GAB1: variants seen among roughly 807,000 people sequenced by gnomAD.
GAB1 encodes the protein GRB2 associated binding protein 1.
A neutral mutation model predicts 66.5 loss-of-function variants in GAB1; 19 were observed. The ratio of observed to expected loss-of-function variants is 0.29; its 90% CI spans 0.20 to 0.42. The LOEUF (loss-of-function observed/expected upper bound fraction) is 0.42. GAB1 is among the 10% of genes least tolerant of loss of function. The probability of loss-of-function intolerance (pLI) is 1.00; values close to 1 mark genes in which losing one functional copy is unlikely to be tolerated. For synonymous variants in GAB1, 294 were observed against 301.4 expected (o/e 0.98, Z 0.25); for missense variants, 732 against 858.5 (o/e 0.85, Z 1.84).
intron 1 of GAB1, among the ~76,000 whole-genome samples, chr4:143,393,655 A>G (rs577140782): frequency 3.3e-5 from 5 of 152,180 alleles, no homozygotes; most frequent in Non-Finnish European, 5.9e-5. Context: ...TTGGCTTTCC[A>G]GTGGTGAGTG....
chr4:143,454,552 G>C (rs1304163296), intron 6 of GAB1, among the ~76,000 whole-genome samples: 1 of 152,204 alleles, frequency 6.6e-6, no homozygotes, highest in African/African-American at 2.4e-5. Flanking sequence ...TCTGATTGGT[G>C]AATGATGGTG....
chr4:143,343,679 G>T (rs757008462), intron 1 of GAB1: 1 of 154,828 alleles, frequency 6.5e-6, no homozygotes, highest in Non-Finnish European at 1.5e-5. Flanking sequence ...GAGAACAGGG[G>T]ATGCAGGGGT....
chr4:143,403,391 G>T (rs1406724060), intron 1 of GAB1, among the ~76,000 whole-genome samples: 1 of 152,162 alleles, frequency 6.6e-6, no homozygotes, highest in Non-Finnish European at 1.5e-5. Flanking sequence ...ATGAGGCTTG[G>T]GTAGTGTAGA....
At chr4:143,442,790 T>C (rs1560774244) in intron 6 of GAB1, among the ~76,000 whole-genome samples, 1 of 152,068 alleles carries the variant, frequency 6.6e-6, no homozygotes, top group East Asian at 1.9e-4. Flanking sequence ...TTGTGTTCAT[T>C]CTTTTAAAAT....
At chr4:143,425,893 C>T in intron 2 of GAB1, 3 of 1,416,726 alleles carry the variant, frequency 2.1e-6, no homozygotes. Flanking sequence ...ACTGCTCAGG[C>T]CACTGAATGG....
intron 6 of GAB1, chr4:143,457,598 T>G: frequency 2.7e-6 from 1 of 364,406 alleles, no homozygotes. Flanking sequence ...TCTGTTGCTT[T>G]TTTTTTTTTT....
chr4:143,453,881 G>A (rs1368339745), intron 6 of GAB1, among the ~76,000 whole-genome samples: 2 of 152,086 alleles, frequency 1.3e-5, no homozygotes, highest in South Asian at 2.1e-4. Flanking sequence ...CTTTTAAATT[G>A]TACCTTCCTT....
chr4:143,360,287 TC>T (rs1729611032), intron 1 of GAB1, among the ~76,000 whole-genome samples: 1 of 152,232 alleles, frequency 6.6e-6, no homozygotes, highest in African/African-American at 2.4e-5. Context: ...GTTTACATTC[TC>T]CTGATTCTGA....
At chr4:143,367,909 G>C (rs1044657943) in intron 1 of GAB1, among the ~76,000 whole-genome samples, 2 of 151,944 alleles carry the variant, frequency 1.3e-5, no homozygotes, top group Non-Finnish European at 2.9e-5. Flanking sequence ...TATTTTAGTA[G>C]AGATGGAGTT....
intron 1 of GAB1, among the ~76,000 whole-genome samples, chr4:143,357,142 A>T (rs1343046554): frequency 6.6e-6 from 1 of 152,154 alleles, no homozygotes; most frequent in African/African-American, 2.4e-5. Flanking sequence ...CTCTTCTGCA[A>T]ACTTAATGTG....
At position 143,471,128 on chromosome 4, in the gene GAB1, A is replaced by G. The variant is rs1049973441; in HGVS notation, c.*1939A>G. On this transcript the variant is annotated 3_prime_UTR_variant, in exon 10 of 10. Transcript: ENST00000262994. Reference sequence around the variant, plus strand: ...GATGAATATATTTAAGATTTAAAACACAATAATAAATACATGATTAATTCA... The same window carrying G: ...GATGAATATATTTAAGATTTAAAACGCAATAATAAATACATGATTAATTCA... 1.3e-5 allele frequency: 2 copies of G among 152,216 alleles called. No homozygotes were observed. Among genetic ancestry groups the G allele is most frequent in the African/African-American group, 4.8e-5 (2 of 41,470 alleles). The allele number at this position is 152,216 out of a possible 1,614,324, so 9.4% of individuals were successfully genotyped here. A position where few individuals can be genotyped will look rare whatever the true frequency, so the allele number is the denominator to read the frequency against.
chr4:143,421,702 T>TG lies in GAB1; in HGVS notation c.367+5931_367+5932insG, dbSNP rs554640865. 5.6e-3 allele frequency among the ~76,000 whole-genome samples: 720 copies of TG among 128,132 alleles called. 3 individuals are homozygous for TG. The highest frequency in any genetic ancestry group is 0.025 in the Middle Eastern group (7 of 276). The allele number at this position is 128,132 out of a possible 152,430, so 84.1% of individuals were successfully genotyped here. On this transcript the variant is annotated intron_variant, in intron 2 of 9. Coordinates refer to ENST00000262994, the MANE Select transcript of GAB1 (RefSeq NM_002039.4). The stretch of plus-strand genomic sequence containing the variant: ...TTTTTTCTTTTCTTTTCTTTTCTTT[T>TG]TTTTTTTTTTTGCATATTTCCAAGC...
chr4:143,356,972 A>T (rs1463347251), intron 1 of GAB1, among the ~76,000 whole-genome samples: 2 of 152,068 alleles, frequency 1.3e-5, no homozygotes, highest in Non-Finnish European at 2.9e-5. Context: ...TTCTCTTTCT[A>T]CCACCTTTTT....
At chr4:143,364,966 C>T (rs983331365) in intron 1 of GAB1, among the ~76,000 whole-genome samples, 3 of 149,868 alleles carry the variant, frequency 2.0e-5, no homozygotes, top group Non-Finnish European at 4.4e-5. Flanking sequence ...CAAGCTCCGC[C>T]TCCCGGGTTC....
At chr4:143,443,828 T>C (rs113678913) in intron 6 of GAB1, among the ~76,000 whole-genome samples, 45 of 152,336 alleles carry the variant, frequency 3.0e-4, no homozygotes, top group Middle Eastern at 3.4e-3. Context: ...TGCTGTAGTT[T>C]GCATACAGAT....
intron 2 of GAB1, among the ~76,000 whole-genome samples, chr4:143,423,949 C>T (rs1417265908): frequency 6.6e-6 from 1 of 150,524 alleles, no homozygotes; most frequent in Non-Finnish European, 1.5e-5. Flanking sequence ...GAGGGTAAGA[C>T]ACTTCTGTCA....
intron 8 of GAB1, among the ~76,000 whole-genome samples, chr4:143,461,671 A>G (rs1735501169): frequency 6.6e-6 from 1 of 152,192 alleles, no homozygotes. Flanking sequence ...TCCCATGCAT[A>G]TGGGAGAGGG....
chr4:143,378,794 C>T (rs562307838), intron 1 of GAB1, among the ~76,000 whole-genome samples: 1 of 152,202 alleles, frequency 6.6e-6, no homozygotes, highest in East Asian at 1.9e-4. Context: ...TCTCTCTGAC[C>T]TTGTGCCTCT....
At chr4:143,378,626 AGT>A (rs1491223330) in intron 1 of GAB1, among the ~76,000 whole-genome samples, 5 of 119,368 alleles carry the variant, frequency 4.2e-5, no homozygotes, top group Admixed American at 8.7e-5. Flanking sequence ...GAACTTCCAA[AGT>A]GTCTCTCTCT....
Sources: gnomAD v4.1 joint callset for allele counts (sites outside exome capture counted in the v4.1 genomes callset) on GRCh38, gnomAD v4.1.1 for gene constraint, MANE v1.5 for transcripts, NCBI Gene and HGNC (gene_info 2026-07-23, HGNC 2026-07-21) for gene names.